Variants in RBFOX1 observed in about 807,000 individuals in gnomAD.
RBFOX1 encodes RNA binding fox-1 homolog 1, also known as RNA binding protein fox-1 homolog 1.
RBFOX1 carries 8 observed loss-of-function variants against 57.7 expected under a neutral mutation model. The ratio of observed to expected loss-of-function variants is 0.14; its 90% CI spans 0.08 to 0.25. The LOEUF is 0.25. Among genes scored for constraint, RBFOX1 ranks in the 10% least tolerant of loss-of-function variants. RBFOX1 has a pLI of 1.00. For synonymous variants in RBFOX1, 326 were observed against 222.4 expected, an observed-to-expected ratio of 1.47 and a Z score of -4.15; for missense variants, 611 against 548.5, an observed-to-expected ratio of 1.11 and a Z score of -1.14.
chr16:5,937,379 G>C (rs1385052015), intron 4 of RBFOX1, among the ~76,000 whole-genome samples: 2 of 152,122 alleles, frequency 1.3e-5, no homozygotes, highest in Admixed American at 1.3e-4. Flanking sequence ...AAATGCCATG[G>C]TTTACATTCT....
At chr16:6,558,448 A>T (rs1433734019) in intron 2 of RBFOX1, among the ~76,000 whole-genome samples, 1 of 152,096 alleles carries the variant, frequency 6.6e-6, no homozygotes, top group Non-Finnish European at 1.5e-5. Flanking sequence ...GGATTTCCTG[A>T]CAGGAAATGG....
At chr16:7,185,223 C>T (rs1229106375) in intron 4 of RBFOX1, among the ~76,000 whole-genome samples, 2 of 152,128 alleles carry the variant, frequency 1.3e-5, no homozygotes, top group African/African-American at 2.4e-5. Flanking sequence ...AGATTTCAGT[C>T]ACTTATGACC....
At chr16:6,162,939 G>C (rs943293215) in intron 1 of RBFOX1, among the ~76,000 whole-genome samples, 1 of 152,054 alleles carries the variant, frequency 6.6e-6, no homozygotes, top group African/African-American at 2.4e-5. Context: ...TTGCCATGTT[G>C]GTCAGGCTGG....
At chr16:7,079,427 C>G (rs2058816705) in intron 4 of RBFOX1, among the ~76,000 whole-genome samples, 1 of 152,154 alleles carries the variant, frequency 6.6e-6, no homozygotes, top group African/African-American at 2.4e-5. Flanking sequence ...CTGAGCAGAA[C>G]CACAGTTTAC....
chr16:7,177,182 C>A (rs564694347), intron 4 of RBFOX1, among the ~76,000 whole-genome samples: 2 of 152,160 alleles, frequency 1.3e-5, no homozygotes, highest in Non-Finnish European at 2.9e-5. Flanking sequence ...TAGTTTTCCC[C>A]ACATGGAGAA....
At chr16:5,568,985 C>T (rs2046172389) in intron 2 of RBFOX1, among the ~76,000 whole-genome samples, 2 of 151,350 alleles carry the variant, frequency 1.3e-5, no homozygotes, top group South Asian at 2.1e-4. Context: ...ATATTACAGG[C>T]ACATGCCACC....
chr16:5,746,801 C>T (rs896542610), intron 3 of RBFOX1, among the ~76,000 whole-genome samples: 1 of 152,204 alleles, frequency 6.6e-6, no homozygotes, highest in African/African-American at 2.4e-5. Context: ...TATCCTGAGA[C>T]TTTGCTGAAG....
At chr16:5,386,766 T>C (rs770419827) in intron 1 of RBFOX1, among the ~76,000 whole-genome samples, 47 of 152,276 alleles carry the variant, frequency 3.1e-4, no homozygotes, top group Non-Finnish European at 5.6e-4. Context: ...AGAACGTACT[T>C]TGGGCCAGGC....
At chr16:6,932,070 C>A (rs538484312) in intron 3 of RBFOX1, among the ~76,000 whole-genome samples, 4 of 152,086 alleles carry the variant, frequency 2.6e-5, no homozygotes, top group Non-Finnish European at 4.4e-5. Context: ...CCTTCATGAC[C>A]TGATCATCTT....
chr16:6,787,363 A>G (rs77063033), intron 3 of RBFOX1, among the ~76,000 whole-genome samples: 17,159 of 152,184 alleles, frequency 0.11, 1,248 homozygotes, highest in Admixed American at 0.22. Context: ...TCAACTTAGG[A>G]TTTTATGCAG....
intron 4 of RBFOX1, among the ~76,000 whole-genome samples, chr16:5,985,141 A>G (rs939445559): frequency 6.6e-6 from 1 of 151,038 alleles, no homozygotes; most frequent in East Asian, 2.0e-4. Flanking sequence ...ACCCGCCACC[A>G]TACCCGGCTC....
chr16:5,954,835 G>A (rs2059591032), intron 4 of RBFOX1, among the ~76,000 whole-genome samples: 2 of 152,036 alleles, frequency 1.3e-5, no homozygotes, highest in African/African-American at 2.4e-5. Context: ...AGGATGTTAT[G>A]GAGGAGGAGA....
chr16:7,314,198 CCCCAAAT>C (rs1728476974), intron 4 of RBFOX1, among the ~76,000 whole-genome samples: 4 of 152,282 alleles, frequency 2.6e-5, no homozygotes, highest in Admixed American at 2.6e-4. Flanking sequence ...CAATTCCAAT[CCCCAAAT>C]CTCTGTTGTA....
intron 3 of RBFOX1, among the ~76,000 whole-genome samples, chr16:6,987,187 G>T (rs956652471): frequency 6.6e-6 from 1 of 152,024 alleles, no homozygotes; most frequent in African/African-American, 2.4e-5. Context: ...GAAGTGTTTT[G>T]CCAAGTCTTG....
At chr16:6,870,407 A>G (rs1428910560) in intron 3 of RBFOX1, among the ~76,000 whole-genome samples, 2 of 152,206 alleles carry the variant, frequency 1.3e-5, no homozygotes, top group Non-Finnish European at 2.9e-5. Flanking sequence ...TGTTTCAGCA[A>G]GTCTTACCTC....
intron 5 of RBFOX1, among the ~76,000 whole-genome samples, chr16:7,558,960 T>C (rs1601790205): frequency 6.6e-6 from 1 of 152,256 alleles, no homozygotes. Context: ...AAGATTTTTT[T>C]CCCTACTTTT....
chr16:5,407,589 C>A (rs922388637), intron 1 of RBFOX1, among the ~76,000 whole-genome samples: 1 of 151,964 alleles, frequency 6.6e-6, no homozygotes, highest in Non-Finnish European at 1.5e-5. Context: ...CACTCTGTCA[C>A]CCAGGCTGGA....
At chr16:5,983,322 A>G (rs1453214844) in intron 4 of RBFOX1, among the ~76,000 whole-genome samples, 1 of 152,180 alleles carries the variant, frequency 6.6e-6, no homozygotes, top group Non-Finnish European at 1.5e-5. Context: ...GGGAGGAGAA[A>G]ATATTCCCTG....
At chr16:5,647,174 G>A (rs1405113066) in intron 3 of RBFOX1, among the ~76,000 whole-genome samples, 2 of 152,160 alleles carry the variant, frequency 1.3e-5, no homozygotes, top group Non-Finnish European at 2.9e-5. Flanking sequence ...TGATATGTGG[G>A]TGGCATGTGC....
Sources: gnomAD v4.1 joint callset for allele counts (sites outside exome capture counted in the v4.1 genomes callset) on GRCh38, gnomAD v4.1.1 for gene constraint, MANE v1.5 for transcripts, NCBI Gene and HGNC (gene_info 2026-07-23, HGNC 2026-07-21) for gene names.